The following TENM2 variants were observed in gnomAD, a reference collection of about 807,000 sequenced individuals.
TENM2 encodes the protein teneurin transmembrane protein 2, also known as teneurin-2.
Under a neutral mutation model 245.2 loss-of-function variants are expected in TENM2, and 52 were observed. That is an observed-to-expected ratio of 0.21 (90% confidence interval 0.17 to 0.27). The LOEUF (loss-of-function observed/expected upper bound fraction) is 0.27, where lower values mean the gene tolerates loss of function less well. TENM2 is among the 10% of genes least tolerant of loss of function. TENM2 has a pLI of 1.00. For missense variants in TENM2, 3,046 were observed against 3,666.8 expected (o/e 0.83, Z 4.37); for synonymous variants, 1,363 against 1,438.9 (o/e 0.95, Z 1.19).
rs1372511080 is a variant in TENM2, at chr5:167,444,292, TACACATACACACAC to T, written c.502+68825_502+68838del. ...ATTTGCTTATGCACACATGCACACATACACATACACACACACACACACACACACAATCCTTAATT... is the reference window on the plus strand; with the variant it reads ...ATTTGCTTATGCACACATGCACACATACACACACACACACAATCCTTAATT... On this transcript the variant is annotated intron_variant, in intron 2 of 28. Transcript: ENST00000518659. Among the ~76,000 whole-genome samples the T allele has an allele frequency of 8.2e-4, 39 of 47,424 alleles. No individual in the cohort carries two copies. The Admixed American group carries it at 0.011, about 13-fold the overall frequency. The allele number at this position is 47,424 out of a possible 152,430, so 31.1% of individuals were successfully genotyped here. A position where few individuals can be genotyped will look rare whatever the true frequency, so the allele number is the denominator to read the frequency against.
chr5:167,337,777 G>A (rs117477288), intron 1 of TENM2, among the ~76,000 whole-genome samples: 3 of 152,182 alleles, frequency 2.0e-5, no homozygotes, highest in Non-Finnish European at 4.4e-5. Context: ...GTATGACAAA[G>A]GAGGCTAAGT....
chr5:166,987,447 G>A, the TENM2 span, among the ~76,000 whole-genome samples: 2 of 151,762 alleles, frequency 1.3e-5, no homozygotes, highest in Non-Finnish European at 2.9e-5. Context: ...GTGTGTGTGT[G>A]TGTGTTTAGA....
At chr5:168,029,825 T>C (rs1786952955) in intron 5 of TENM2, among the ~76,000 whole-genome samples, 1 of 152,232 alleles carries the variant, frequency 6.6e-6, no homozygotes, top group Non-Finnish European at 1.5e-5. Flanking sequence ...CCATTAATGA[T>C]AGAATGTGTG....
intron 12 of TENM2, among the ~76,000 whole-genome samples, chr5:168,146,035 C>G (rs1233009927): frequency 6.8e-6 from 1 of 147,226 alleles, no homozygotes; most frequent in African/African-American, 2.5e-5. Flanking sequence ...GATTTTGTAT[C>G]CTGAGACTTT....
At chr5:167,956,196 G>T (rs764168889) in intron 4 of TENM2, among the ~76,000 whole-genome samples, 47 of 152,152 alleles carry the variant, frequency 3.1e-4, no homozygotes, top group Non-Finnish European at 5.9e-4. Flanking sequence ...TCCCTTGTAA[G>T]TTGGATTCCT....
chr5:167,144,787 C>T, the TENM2 span, among the ~76,000 whole-genome samples: 1 of 152,160 alleles, frequency 6.6e-6, no homozygotes, highest in Non-Finnish European at 1.5e-5. Context: ...GAAAGCATTG[C>T]TTTAGTGTAT....
chr5:168,116,927 G>A lies in TENM2; in HGVS notation c.1814-1365G>A, dbSNP rs145189058. Among the ~76,000 whole-genome samples the A allele has an allele frequency of 1.2e-4, 19 of 152,312 alleles. 1 individual carries two copies. The East Asian group carries it at 3.7e-3, about 29-fold the overall frequency. ...ACCATGGATAACACCAGGAGTCACTGAAACACCTGCATCCGTCATTTCTGA... is the reference window on the plus strand; with the variant it reads ...ACCATGGATAACACCAGGAGTCACTAAAACACCTGCATCCGTCATTTCTGA... On this transcript the variant is annotated intron_variant, in intron 9 of 28. Coordinates refer to ENST00000518659, the Ensembl canonical transcript of TENM2.
At chr5:167,282,513 T>C (rs142360650), upstream of TENM2, among the ~76,000 whole-genome samples, 356 of 152,326 alleles carry the variant, frequency 2.3e-3, 1 homozygote, top group African/African-American at 8.0e-3. Context: ...TGTTAGATAG[T>C]ATATTAGGAA....
Position 167,727,034 on chromosome 5 carries a change from G to A in TENM2, c.503-148952G>A, listed in dbSNP as rs145890607. ...ACTTGTGTGTTTTAAATTTTAAATG[G>A]TTACCAAAATGAAGCCTCCAACTCT... On this transcript the variant is annotated intron_variant, in intron 2 of 28. Transcript: ENST00000518659. Among the ~76,000 whole-genome samples the A allele has an allele frequency of 7.8e-3, 1,186 of 151,170 alleles. 26 individuals are homozygous for A. Among genetic ancestry groups the A allele is most frequent in the African/African-American group, 0.028 (1,133 of 41,184 alleles).
At chr5:167,386,262 A>G (rs993392213) in intron 2 of TENM2, among the ~76,000 whole-genome samples, 2 of 152,108 alleles carry the variant, frequency 1.3e-5, no homozygotes, top group African/African-American at 4.8e-5. Context: ...TTCCCTGATC[A>G]TTAGTGATGT....
intron 2 of TENM2, among the ~76,000 whole-genome samples, chr5:167,835,665 A>G (rs1352532222): frequency 1.3e-5 from 2 of 152,202 alleles, no homozygotes; most frequent in South Asian, 2.1e-4. Flanking sequence ...AAGGACATGC[A>G]TGAATGCTGA....
chr5:168,150,581 C>G (rs1320652118), intron 12 of TENM2, among the ~76,000 whole-genome samples: 1 of 152,238 alleles, frequency 6.6e-6, no homozygotes, highest in Non-Finnish European at 1.5e-5. Context: ...AATTCCCATC[C>G]AAACCTGAAA....
At chr5:167,361,002 C>T (rs1346706419) in intron 1 of TENM2, among the ~76,000 whole-genome samples, 1 of 152,158 alleles carries the variant, frequency 6.6e-6, no homozygotes, top group African/African-American at 2.4e-5. Context: ...TGTACTTTTG[C>T]TCCATAACTT....
intron 2 of TENM2, among the ~76,000 whole-genome samples, chr5:167,797,207 T>G (rs1583032861): frequency 6.6e-6 from 1 of 152,314 alleles, no homozygotes; most frequent in Middle Eastern, 3.4e-3. Context: ...CTGCTGATTT[T>G]TGAGCCAGAT....
intron 4 of TENM2, among the ~76,000 whole-genome samples, chr5:167,959,359 T>C (rs1780822904): frequency 6.6e-6 from 1 of 152,132 alleles, no homozygotes; most frequent in South Asian, 2.1e-4. Context: ...CACACCCAGC[T>C]AATTTTTTTG....
At chr5:167,281,995 C>A (rs2127704018), upstream of TENM2, among the ~76,000 whole-genome samples, 1 of 58,128 alleles carries the variant, frequency 1.7e-5, no homozygotes. Flanking sequence ...AGCAAAACTC[C>A]ATCTCAAAAA....
the TENM2 span, among the ~76,000 whole-genome samples, chr5:167,204,784 G>T: frequency 1.3e-5 from 2 of 152,170 alleles, no homozygotes; most frequent in South Asian, 4.1e-4. Flanking sequence ...AGCTGGGCCT[G>T]TAAAGTGACC....
At chr5:167,118,309 C>T in the TENM2 span, among the ~76,000 whole-genome samples, 26 of 152,264 alleles carry the variant, frequency 1.7e-4, no homozygotes, top group Admixed American at 1.5e-3. Context: ...CTCTTAGAGA[C>T]GGACTTAGAG....
intron 8 of TENM2, 41 bp from the exon 11 acceptor site, chr5:168,097,985 G>A (rs1461887587): frequency 6.7e-7 from 1 of 1,486,220 alleles, no homozygotes; most frequent in Non-Finnish European, 9.3e-7. Context: ...TGCACCAGTA[G>A]ACAGAGGAAA....
Sources: gnomAD v4.1 joint callset for allele counts (sites outside exome capture counted in the v4.1 genomes callset) on GRCh38, gnomAD v4.1.1 for gene constraint, MANE v1.5 for transcripts, NCBI Gene and HGNC (gene_info 2026-07-23, HGNC 2026-07-21) for gene names.